The following ASTN2 variants were observed in gnomAD, a reference collection of about 807,000 sequenced individuals.
ASTN2 encodes the protein astrotactin-2.
ASTN2 carries 54 observed loss-of-function variants against 139.8 expected under a neutral mutation model. The ratio of observed to expected loss-of-function variants is 0.39; its 90% CI spans 0.31 to 0.48. The LOEUF (loss-of-function observed/expected upper bound fraction) is 0.48, where lower values mean the gene tolerates loss of function less well. Among genes scored for constraint, ASTN2 ranks in the 20% least tolerant of loss-of-function variants. The probability of loss-of-function intolerance (pLI) is 0.95; values close to 1 mark genes in which losing one functional copy is unlikely to be tolerated. For missense variants in ASTN2, 1,565 were observed against 1,725.1 expected (o/e 0.91, Z 1.64); for synonymous variants, 756 against 719.5 (o/e 1.05, Z -0.81).
intron 11 of ASTN2, among the ~76,000 whole-genome samples, chr9:116,843,068 A>C (rs1272856966): frequency 2.0e-5 from 3 of 152,192 alleles, no homozygotes; most frequent in Non-Finnish European, 4.4e-5. Flanking sequence ...TATCCTTCAG[A>C]GCCAGCAATC....
intron 2 of ASTN2, among the ~76,000 whole-genome samples, chr9:117,228,585 T>C (rs1832788970): frequency 6.6e-6 from 1 of 151,990 alleles, no homozygotes; most frequent in Admixed American, 6.5e-5. Flanking sequence ...GAGGAGTCAA[T>C]GGGAGGTGCT....
At chr9:117,092,250 C>T (rs1008619781) in intron 5 of ASTN2, among the ~76,000 whole-genome samples, 1 of 152,086 alleles carries the variant, frequency 6.6e-6, no homozygotes, top group African/African-American at 2.4e-5. Flanking sequence ...ATCTGAAACG[C>T]TCAGTTCAAT....
intron 5 of ASTN2, among the ~76,000 whole-genome samples, chr9:117,057,224 A>T (rs189401462): frequency 5.3e-5 from 8 of 152,188 alleles, no homozygotes; most frequent in African/African-American, 1.9e-4. Flanking sequence ...GCCAGCAATG[A>T]TACATCTAAG....
chr9:117,297,627 C>T (rs1425680711), intron 1 of ASTN2, among the ~76,000 whole-genome samples: 3 of 152,170 alleles, frequency 2.0e-5, no homozygotes, highest in Admixed American at 2.0e-4. Context: ...ACGAAGTACT[C>T]CCACATTGAT....
intron 3 of ASTN2, among the ~76,000 whole-genome samples, chr9:117,171,028 G>A (rs144415999): frequency 1.3e-5 from 2 of 152,192 alleles, no homozygotes; most frequent in Non-Finnish European, 2.9e-5. Flanking sequence ...CACCAACCAT[G>A]CCATCCTGAG....
chr9:116,566,883 G>A (rs1853260213), intron 19 of ASTN2, among the ~76,000 whole-genome samples: 1 of 152,090 alleles, frequency 6.6e-6, no homozygotes, highest in Non-Finnish European at 1.5e-5. Context: ...CTTCACACAG[G>A]GTCAGACTCC....
chr9:117,176,247 A>AGT (rs1428575747), intron 3 of ASTN2, among the ~76,000 whole-genome samples: 1 of 152,134 alleles, frequency 6.6e-6, no homozygotes, highest in Non-Finnish European at 1.5e-5. Context: ...TTGCTGGTGG[A>AGT]GTGTGGTAAG....
intron 13 of ASTN2, among the ~76,000 whole-genome samples, chr9:116,803,493 T>G: frequency 1.2e-4 from 1 of 8,252 alleles, no homozygotes; most frequent in African/African-American, 4.5e-4. Context: ...TATATATATA[T>G]ATATATATAT....
At chr9:116,964,265 G>GCGCA (rs1554765683) in intron 10 of ASTN2, among the ~76,000 whole-genome samples, 22 of 149,926 alleles carry the variant, frequency 1.5e-4, no homozygotes, top group South Asian at 2.1e-4. Context: ...GTGCGCGCGC[G>GCGCA]CGCGTGTGTG....
At chr9:116,962,017 T>C (rs78367231) in intron 10 of ASTN2, among the ~76,000 whole-genome samples, 12,583 of 152,278 alleles carry the variant, frequency 0.083, 708 homozygotes, top group Non-Finnish European at 0.1. Flanking sequence ...TTGTCCACTG[T>C]TACCCGCATA....
intron 2 of ASTN2, among the ~76,000 whole-genome samples, chr9:117,275,813 G>T (rs958198782): frequency 6.6e-6 from 1 of 151,976 alleles, no homozygotes; most frequent in Non-Finnish European, 1.5e-5. Context: ...CAAGTAATTC[G>T]CCTGCGTTGG....
At chr9:117,091,025 C>A (rs550072747) in intron 5 of ASTN2, among the ~76,000 whole-genome samples, 1 of 152,190 alleles carries the variant, frequency 6.6e-6, no homozygotes, top group Admixed American at 6.5e-5. Context: ...TTTTCACCAC[C>A]AAGGCCCTCT....
chr9:117,186,332 G>T (rs1235397952), intron 3 of ASTN2, among the ~76,000 whole-genome samples: 2 of 152,094 alleles, frequency 1.3e-5, no homozygotes, highest in Non-Finnish European at 2.9e-5. Flanking sequence ...AGATCACGAG[G>T]TCAGGAGATC....
intron 19 of ASTN2, chr9:116,586,017 C>T (rs1162413084): frequency 6.6e-6 from 1 of 152,120 alleles, no homozygotes; most frequent in Non-Finnish European, 1.5e-5. Flanking sequence ...GAAAAGAAGA[C>T]ACTCAAGCAG....
intron 3 of ASTN2, among the ~76,000 whole-genome samples, chr9:117,188,158 CTG>C (rs1831251672): frequency 7.4e-6 from 1 of 135,190 alleles, no homozygotes; most frequent in African/African-American, 2.7e-5. Context: ...GTGTGTGTGT[CTG>C]TGTGATAGAG....
chr9:116,519,632 C>T (rs959820704), intron 19 of ASTN2, among the ~76,000 whole-genome samples: 1 of 151,792 alleles, frequency 6.6e-6, no homozygotes, highest in African/African-American at 2.4e-5. Context: ...AATCCAAACC[C>T]AGCAGAAGAA....
rs57428022 is a variant in ASTN2 at position 117,374,369 on chromosome 9, TAAAAAAAAAAAAAAAA to T, written c.442+40112_442+40127del. ...TTATGAGGCTGCATAAGGGCAGGGT[TAAAAAAAAAAAAAAAA>T]AAAAAAAAGCACAGATCGCAGCCCG... On this transcript the variant is annotated intron_variant, in intron 1 of 22. Transcript: ENST00000313400. Among the ~76,000 whole-genome samples the T allele has an allele frequency of 6.9e-5, 6 of 87,328 alleles. No individual in the cohort carries two copies. In the South Asian group the frequency reaches 2.1e-3, roughly 30 times the overall value. 57.3% of individuals were successfully genotyped at this position (87,328 alleles called of 152,430 possible).
intron 13 of ASTN2, among the ~76,000 whole-genome samples, chr9:116,755,231 C>T (rs188898040): frequency 5.9e-5 from 9 of 152,234 alleles, no homozygotes; most frequent in African/African-American, 2.2e-4. Flanking sequence ...TGAATGACAC[C>T]TTATGTTATG....
At chr9:116,941,793 T>G (rs998967575) in intron 10 of ASTN2, among the ~76,000 whole-genome samples, 1 of 152,094 alleles carries the variant, frequency 6.6e-6, no homozygotes, top group African/African-American at 2.4e-5. Context: ...CATTGTTTTT[T>G]CATTACAACA....
Sources: allele counts gnomAD v4.1 joint callset (sites outside exome capture counted in the v4.1 genomes callset), GRCh38; gene constraint gnomAD v4.1.1; transcripts MANE v1.5; gene names NCBI Gene and HGNC (gene_info 2026-07-23, HGNC 2026-07-21).